The following NDUFV2 variants were observed in gnomAD, a reference collection of about 807,000 sequenced individuals.
The protein encoded by NDUFV2 is NADH:ubiquinone oxidoreductase core subunit V2.
In NDUFV2, 18 loss-of-function variants were observed where a neutral mutation model predicts 31.6. The observed-to-expected ratio is 0.57, with a 90% CI of 0.39 to 0.84. The LOEUF (loss-of-function observed/expected upper bound fraction) is 0.84. Among genes scored for constraint, NDUFV2 ranks in the 40% least tolerant of loss-of-function variants. The pLI is 0.00. For missense variants in NDUFV2, 314 were observed against 303.6 expected (o/e 1.03, Z -0.26); for synonymous variants, 83 against 99.8 (o/e 0.83, Z 1.01).
rs1282539779 is a variant in NDUFV2 at position 9,126,892 on chromosome 18, C to G, written c.641C>G (p.Pro214Arg). Residue 214 changes from proline to arginine, a missense_variant, in exon 7 of 8, where the codon CCA becomes CGA. By Grantham distance (103) the Pro-to-Arg change is moderately radical. Transcript: ENST00000318388. ...GATGAGCTCAAGGCTGGCAAAATCC[C>G]AAAACCAGGGCCAAGGTATGCTTTA... ...IIDELKAGKIPKPGPRSGRFS... is the reference protein window; with the variant it reads ...IIDELKAGKIRKPGPRSGRFS... 1.2e-6 allele frequency: 2 copies of G among 1,613,444 alleles called. No homozygotes were observed. The highest frequency in any genetic ancestry group is 2.7e-5 in the African/African-American group (2 of 74,890).
chr18:9,124,440 TA>T (rs1439107226), intron 5 of NDUFV2, among the ~76,000 whole-genome samples: 1 of 149,366 alleles, frequency 6.7e-6, no homozygotes, highest in African/African-American at 2.5e-5. Context: ...TTTTTCTTTT[TA>T]AAAAACTTTT....
chr18:9,122,530 A>G lies in NDUFV2; in HGVS notation c.318A>G (p.Gln106=), dbSNP rs780214530. The change falls in exon 5 of 8, where the codon CAA becomes CAG. Residue 106 remains glutamine, a synonymous_variant. Coordinates refer to ENST00000318388, the MANE Select transcript of NDUFV2 (RefSeq NM_021074.5). ...TATTTTAGGTTGCAGAAGTTTTACA[A>G]GTACCTCCAATGAGAGTATATGAAG... The part of the protein sequence containing the change: ...SAMNKVAEVL[Q]VPPMRVYEVA... 16 of 1,613,586 alleles carry G rather than the reference A, an allele frequency of 9.9e-6. No individual in the cohort carries two copies. The highest frequency in any genetic ancestry group is 2.2e-5 in the East Asian group (1 of 44,852).
intron 7 of NDUFV2, among the ~76,000 whole-genome samples, chr18:9,133,901 T>C (rs2078061999): frequency 6.6e-6 from 1 of 152,216 alleles, no homozygotes; most frequent in South Asian, 2.1e-4. Flanking sequence ...TGTGGCATCG[T>C]AAGGATTCAA....
intron 5 of NDUFV2, among the ~76,000 whole-genome samples, chr18:9,124,435 C>CT (rs1323293057): frequency 1.5e-5 from 2 of 137,330 alleles, no homozygotes. Flanking sequence ...GGATTTTTTT[C>CT]TTTTTAAAAA....
intron 7 of NDUFV2, among the ~76,000 whole-genome samples, chr18:9,128,887 T>G (rs2078015325): frequency 6.6e-6 from 1 of 152,132 alleles, no homozygotes; most frequent in East Asian, 1.9e-4. Context: ...CTCTTCTGAT[T>G]AGATGTTTTG....
intron 7 of NDUFV2, among the ~76,000 whole-genome samples, chr18:9,129,966 C>G (rs1311386422): frequency 6.6e-6 from 1 of 152,144 alleles, no homozygotes; most frequent in Non-Finnish European, 1.5e-5. Context: ...TTGGCTTGAG[C>G]ATCTCTGAGG....
intron 1 of NDUFV2, 125 bp from the exon 2 acceptor site, chr18:9,117,713 C>A (rs2077905792): frequency 3.0e-6 from 2 of 658,600 alleles, no homozygotes; most frequent in East Asian, 2.8e-5. Flanking sequence ...GGTAGAATAC[C>A]ATATTTCTTA....
intron 5 of NDUFV2, 107 bp downstream of exon 5, chr18:9,122,788 G>T (rs1006478323): frequency 9.6e-7 from 1 of 1,040,596 alleles, no homozygotes; most frequent in East Asian, 2.6e-5. Context: ...TATTGGATCT[G>T]TACTTACCTA....
chr18:9,102,932 G>A, intron 1 of NDUFV2, 135 bp downstream of exon 1: 1 of 902,712 alleles, frequency 1.1e-6, no homozygotes, highest in Non-Finnish European at 1.6e-6. Context: ...TGCGGCCTTA[G>A]CCCTCTTAGG....
At chr18:9,125,145 G>A (rs2077978210) in intron 6 of NDUFV2, 162 bp downstream of exon 6, 1 of 761,634 alleles carries the variant, frequency 1.3e-6, no homozygotes, top group South Asian at 2.2e-5. Context: ...AAACATTTTT[G>A]CATTTAACTT....
intron 5 of NDUFV2, among the ~76,000 whole-genome samples, chr18:9,123,390 T>C (rs181690184): frequency 6.6e-6 from 1 of 152,320 alleles, no homozygotes; most frequent in East Asian, 1.9e-4. Flanking sequence ...TTATATCATT[T>C]TAATTATTAA....
rs778020274 is a variant in NDUFV2 at position 9,122,614 on chromosome 18, C to T, written c.402C>T (p.Val134=). ...CAGTTGGAAAGTATCACATTCAGGT[C>T]TGCACTACTACACCCTGCATGCTTC... The part of the protein sequence containing the change: ...RKPVGKYHIQ[V]CTTTPCMLRN... Residue 134 remains valine, a synonymous_variant, in exon 5 of 8, where the codon GTC becomes GTT. Coordinates refer to ENST00000318388, the MANE Select transcript of NDUFV2 (RefSeq NM_021074.5). The T allele has an allele frequency of 6.2e-7, 1 of 1,614,006 alleles. No homozygotes were observed. Among genetic ancestry groups the T allele is most frequent in the East Asian group, 2.2e-5 (1 of 44,850 alleles).
chr18:9,111,334 A>G (rs1388517252), intron 1 of NDUFV2, among the ~76,000 whole-genome samples: 1 of 152,268 alleles, frequency 6.6e-6, no homozygotes, highest in Non-Finnish European at 1.5e-5. Context: ...TGCCTGACAC[A>G]TAGTACTTCT....
Position 9,124,447 on chromosome 18 carries a change from CTT to C in NDUFV2, c.470-410_470-409del, listed in dbSNP as rs534490648. 4.2e-3 allele frequency among the ~76,000 whole-genome samples: 481 copies of C among 113,322 alleles called. 3 individuals carry two copies. Among genetic ancestry groups the C allele is most frequent in the Non-Finnish European group, 7.3e-3 (391 of 53,338 alleles). 74.3% of individuals were successfully genotyped at this position (113,322 alleles called of 152,430 possible). A position where few individuals can be genotyped will look rare whatever the true frequency, so the allele number is the denominator to read the frequency against. On this transcript the variant is annotated intron_variant, in intron 5 of 7. Transcript: ENST00000318388. The stretch of plus-strand genomic sequence containing the variant: ...CTAGGATTTTTTTCTTTTTAAAAAA[CTT>C]TTTTTTTTTTTTTTTTGGAGATGGA...
chr18:9,134,087 A>T, intron 7 of NDUFV2, 99 bp from the exon 8 acceptor site: 1 of 831,436 alleles, frequency 1.2e-6, no homozygotes. Flanking sequence ...TAGGGTAAAA[A>T]TAGTTACTTA....
rs183850799 is a variant in NDUFV2 at position 9,130,768 on chromosome 18, C to T, written c.657-3418C>T. Among the ~76,000 whole-genome samples the T allele has an allele frequency of 3.0e-3, 461 of 152,210 alleles. 2 individuals are homozygous for T. The highest frequency in any genetic ancestry group is 0.011 in the African/African-American group (448 of 41,534). On this transcript the variant is annotated intron_variant, in intron 7 of 7. Coordinates refer to ENST00000318388, the MANE Select transcript of NDUFV2 (RefSeq NM_021074.5). Reference sequence around the variant, plus strand: ...AATTGTGCGTCTCTGTAATGAAAAACCGAGAGGAATTAAACTGGTTCAATA... The same window carrying T: ...AATTGTGCGTCTCTGTAATGAAAAATCGAGAGGAATTAAACTGGTTCAATA...
At chr18:9,122,707 A>G (rs1266735294) in intron 5 of NDUFV2, 26 bp downstream of exon 5, 4 of 1,610,832 alleles carry the variant, frequency 2.5e-6, no homozygotes, top group East Asian at 2.2e-5. Flanking sequence ...TATTTGTAAC[A>G]CTGATAAAAA....
chr18:9,118,664 G>A (rs1390073081), intron 2 of NDUFV2, among the ~76,000 whole-genome samples: 6 of 151,970 alleles, frequency 3.9e-5, no homozygotes, highest in East Asian at 1.9e-4. Context: ...TTAATTGATC[G>A]TAAGTGTTAA....
chr18:9,112,581 C>T (rs2077877171), intron 1 of NDUFV2: 1 of 152,190 alleles, frequency 6.6e-6, no homozygotes, highest in Non-Finnish European at 1.5e-5. Flanking sequence ...CTCCCAGGTT[C>T]AGGCGATTCT....
Sources: allele counts gnomAD v4.1 joint callset (sites outside exome capture counted in the v4.1 genomes callset), GRCh38; gene constraint gnomAD v4.1.1; transcripts MANE v1.5; gene names NCBI Gene and HGNC (gene_info 2026-07-23, HGNC 2026-07-21).